The following LCE5A variants were observed in gnomAD, a reference collection of about 807,000 sequenced individuals.
The protein encoded by LCE5A is late cornified envelope 5A.
For synonymous variants in LCE5A, 51 were observed against 54.2 expected, an observed-to-expected ratio of 0.94 and a Z score of 0.26; for missense variants, 139 against 147.2, an observed-to-expected ratio of 0.94 and a Z score of 0.29.
chr1:152,511,802 A>C lies in LCE5A; in HGVS notation c.268A>C (p.Ser90Arg). 6.2e-7 allele frequency: 1 copy of C among 1,613,712 alleles called. No homozygotes were observed. The highest frequency in any genetic ancestry group is 8.5e-7 in the Non-Finnish European group (1 of 1,179,762). The change falls in exon 2 of 2, where the codon AGT (serine) becomes CGT (arginine). Residue 90 changes from serine to arginine, a missense_variant. Physicochemically the swap from Ser to Arg is moderately radical, Grantham distance 110 (BLOSUM62 -1). Coordinates refer to ENST00000334269, the MANE Select transcript of LCE5A (RefSeq NM_178438.5). ...ACCTCAGAGTTCCAGCTGCTGTGGCAGTGGCAGTGGCCAGCAGTCTGGGGG... is the reference window on the plus strand; with the variant it reads ...ACCTCAGAGTTCCAGCTGCTGTGGCCGTGGCAGTGGCCAGCAGTCTGGGGG... ...RRPQSSSCCG[S>R]GSGQQSGGSS...
chr1:152,512,099 A>G lies in LCE5A; in HGVS notation c.*208A>G. ...TCTGGCCTGGCTTTCCCTCTCAGAC[A>G]TAGCTCTTTGGAGAACTAGGTGTTG... On this transcript the variant is annotated 3_prime_UTR_variant, in exon 2 of 2. Transcript: ENST00000334269. The G allele has an allele frequency of 3.4e-6, 2 of 581,712 alleles. No individual in the cohort carries two copies. Among genetic ancestry groups the G allele is most frequent in the Non-Finnish European group, 6.2e-6 (2 of 323,456 alleles). The allele number at this position is 581,712 out of a possible 1,614,324, so 36.0% of individuals were successfully genotyped here.
In LCE5A at chr1:152,511,866, G is replaced by A. The variant is rs1260204019; in HGVS notation, c.332G>A (p.Cys111Tyr). 3.7e-6 allele frequency: 6 copies of A among 1,613,074 alleles called. No homozygotes were observed. The highest frequency in any genetic ancestry group is 4.2e-6 in the Non-Finnish European group (5 of 1,179,618). ...CCHSSGGSGCCHSSGGCC is the reference protein window; with the variant it reads ...CCHSSGGSGCYHSSGGCC ...CACAGCTCTGGGGGCTCTGGCTGCT[G>A]CCACAGCTCTGGAGGCTGCTGCTGA... is the stretch of plus-strand genomic sequence containing the variant. The change falls in exon 2 of 2, where the codon TGC becomes TAC. Residue 111 changes from cysteine (C) to tyrosine (Y), a missense_variant. Physicochemically the swap from Cys to Tyr is radical, Grantham distance 194. Coordinates refer to ENST00000334269, the MANE Select transcript of LCE5A (RefSeq NM_178438.5).
At position 152,511,946 on chromosome 1, in the gene LCE5A, A is replaced by G; in HGVS notation, c.*55A>G. On this transcript the variant is annotated 3_prime_UTR_variant, in exon 2 of 2. Transcript: ENST00000334269. ...GACTGGCAGATCCCAGGTGCTGAAGATGTGTGTCAGCCTGAGGCTTCTTTT... is the reference window on the plus strand; with the variant it reads ...GACTGGCAGATCCCAGGTGCTGAAGGTGTGTGTCAGCCTGAGGCTTCTTTT... The G allele has an allele frequency of 2.7e-6, 4 of 1,493,392 alleles. No homozygotes were observed. The highest frequency in any genetic ancestry group is 3.6e-6 in the Non-Finnish European group (4 of 1,103,504). The allele number at this position is 1,493,392 out of a possible 1,614,324, so 92.5% of individuals were successfully genotyped here. A position where few individuals can be genotyped will look rare whatever the true frequency, so the allele number is the denominator to read the frequency against.
intron 1 of LCE5A, among the ~76,000 whole-genome samples, chr1:152,511,254 C>A (rs1033468499): frequency 2.0e-5 from 3 of 151,958 alleles, no homozygotes; most frequent in African/African-American, 7.3e-5. Context: ...CCCGTCTCTA[C>A]TAAAAACACA....
rs553762836 is a variant in LCE5A, at chr1:152,512,056, G to A, written c.*165G>A. 1.7e-4 allele frequency: 112 copies of A among 652,632 alleles called. No individual in the cohort carries two copies. The highest frequency in any genetic ancestry group is 2.6e-4 in the Non-Finnish European group (97 of 379,286). The allele number at this position is 652,632 out of a possible 1,614,324, so 40.4% of individuals were successfully genotyped here. A position where few individuals can be genotyped will look rare whatever the true frequency, so the allele number is the denominator to read the frequency against. On this transcript the variant is annotated 3_prime_UTR_variant, in exon 2 of 2. Coordinates refer to ENST00000334269, the MANE Select transcript of LCE5A (RefSeq NM_178438.5). ...ATGTTCACTCCATTGTAGGGTTGAA[G>A]TCTAGCTTGTGATATTTTCTGGCCT...
rs938293183 is a variant in LCE5A, at chr1:152,510,913, G to A, written c.-107G>A. ...TGTTTTGGGCAGAAAGAGCCCCTGG[G>A]TGGAGGTTGAGGCCATTCTTGAAGA... On this transcript the variant is annotated 5_prime_UTR_variant, in exon 1 of 2. The change creates a new upstream start codon in the 5' untranslated region. Coordinates refer to ENST00000334269, the MANE Select transcript of LCE5A (RefSeq NM_178438.5). 1 of 152,650 alleles carries A rather than the reference G, an allele frequency of 6.6e-6. No homozygotes were observed. Among genetic ancestry groups the A allele is most frequent in the Non-Finnish European group, 1.5e-5 (1 of 68,416 alleles). The allele number at this position is 152,650 out of a possible 1,614,324, so 9.5% of individuals were successfully genotyped here.
chr1:152,511,821 C>T lies in LCE5A; in HGVS notation c.287C>T (p.Ser96Phe). Residue 96 changes from serine (S) to phenylalanine (F), a missense_variant, in exon 2 of 2, where the codon TCT becomes TTT. Transcript: ENST00000334269. ...SCCGSGSGQQ[S>F]GGSSCCHSSG... is the part of the protein sequence containing the mutation. ...TGTGGCAGTGGCAGTGGCCAGCAGT[C>T]TGGGGGCTCCAGCTGCTGCCACAGC... 6.2e-7 allele frequency: 1 copy of T among 1,613,774 alleles called. No individual in the cohort carries two copies. The highest frequency in any genetic ancestry group is 2.2e-5 in the East Asian group (1 of 44,876).
At chr1:152,511,390 T>A in intron 1 of LCE5A, 124 bp from the exon 2 acceptor site, 1 of 703,536 alleles carries the variant, frequency 1.4e-6, no homozygotes, top group Non-Finnish European at 2.4e-6. Flanking sequence ...AGAGTGAGAC[T>A]CCATCCCAAA....
rs374989000 is a variant in LCE5A, at chr1:152,511,323, G to A, written c.-21-191G>A. Among the ~76,000 whole-genome samples the A allele has an allele frequency of 2.4e-4, 36 of 152,138 alleles. 1 individual carries two copies. The South Asian group carries it at 5.4e-3, about 23-fold the overall frequency. ...TGAGGCAGGAGAATCACTTGAATCC[G>A]GGAGGTGGAGGTTGCAGTGAGCCGA... is the stretch of plus-strand genomic sequence containing the variant. On this transcript the variant is annotated intron_variant, in intron 1 of 1. Transcript: ENST00000334269.
Position 152,511,920 on chromosome 1 carries a change from G to A in LCE5A, c.*29G>A, listed in dbSNP as rs1658596500. 2 of 1,568,950 alleles carry A rather than the reference G, an allele frequency of 1.3e-6. No homozygotes were observed. The highest frequency in any genetic ancestry group is 1.4e-5 in the African/African-American group (1 of 73,474). Reference sequence around the variant, plus strand: ...GGGCCATGAGGAGCACGGAGGAGAAGGACTGGCAGATCCCAGGTGCTGAAG... The same window carrying A: ...GGGCCATGAGGAGCACGGAGGAGAAAGACTGGCAGATCCCAGGTGCTGAAG... On this transcript the variant is annotated 3_prime_UTR_variant, in exon 2 of 2. Coordinates refer to ENST00000334269, the MANE Select transcript of LCE5A (RefSeq NM_178438.5).
In LCE5A at chr1:152,510,842, A is replaced by C. The variant is rs1399036110; in HGVS notation, c.-178A>C. 1 of 152,370 alleles carries C rather than the reference A, an allele frequency of 6.6e-6. No homozygotes were observed. The highest frequency in any genetic ancestry group is 2.4e-5 in the African/African-American group (1 of 41,422). 9.4% of individuals were successfully genotyped at this position (152,370 alleles called of 1,614,324 possible). A position where few individuals can be genotyped will look rare whatever the true frequency, so the allele number is the denominator to read the frequency against. Reference sequence around the variant, plus strand: ...CTGAGTGATCTGCTGCAGTGCCTGAACCAGGTAGAGTGCTTCTCAGGACCA... The same window carrying C: ...CTGAGTGATCTGCTGCAGTGCCTGACCCAGGTAGAGTGCTTCTCAGGACCA... On this transcript the variant is annotated 5_prime_UTR_variant, in exon 1 of 2. Coordinates refer to ENST00000334269, the MANE Select transcript of LCE5A (RefSeq NM_178438.5).
In LCE5A at chr1:152,511,709, T is replaced by C. The variant is rs1658582636; in HGVS notation, c.175T>C (p.Cys59Arg). Residue 59 changes from cysteine (C) to arginine (R), a missense_variant, in exon 2 of 2, where the codon TGC (cysteine) becomes CGC (arginine). Physicochemically the swap from Cys to Arg is radical, Grantham distance 180. Transcript: ENST00000334269. ...SSCCGSSSGG[C>R]CSSEGGGCCL... ...CTGCTGTGGTTCCAGCTCTGGGGGC[T>C]GCTGCAGCTCTGAGGGTGGTGGCTG... 1 of 1,614,160 alleles carries C rather than the reference T, an allele frequency of 6.2e-7. No homozygotes were observed.
In LCE5A at chr1:152,511,794, G is replaced by T. The variant is rs1398229424; in HGVS notation, c.260G>T (p.Cys87Phe). 17 of 1,613,904 alleles carry T rather than the reference G, an allele frequency of 1.1e-5. No homozygotes were observed. The highest frequency in any genetic ancestry group is 1.4e-5 in the Non-Finnish European group (16 of 1,179,858). The change falls in exon 2 of 2, where the codon TGC (cysteine) becomes TTC (phenylalanine). Residue 87 changes from cysteine to phenylalanine, a missense_variant. Physicochemically the swap from Cys to Phe is radical, Grantham distance 205. Coordinates refer to ENST00000334269, the MANE Select transcript of LCE5A (RefSeq NM_178438.5). ...CGACGCCGACCTCAGAGTTCCAGCT[G>T]CTGTGGCAGTGGCAGTGGCCAGCAG... Reference protein sequence around the residue: ...SLRRRPQSSSCCGSGSGQQSG... With the variant: ...SLRRRPQSSSFCGSGSGQQSG...
In LCE5A at chr1:152,511,684, C is replaced by T. The variant is rs1195305376; in HGVS notation, c.150C>T (p.Ser50=). The change falls in exon 2 of 2, where the codon TCC becomes TCT. Residue 50 remains serine (S), a synonymous_variant. Coordinates refer to ENST00000334269, the MANE Select transcript of LCE5A (RefSeq NM_178438.5). ...CSAPCPPPVS[S]CCGSSSGGCC... ...CCCCATGCCCACCTCCAGTCTCTTC[C>T]TGCTGTGGTTCCAGCTCTGGGGGCT... The T allele has an allele frequency of 1.2e-6, 2 of 1,614,080 alleles. No individual in the cohort carries two copies. Among genetic ancestry groups the T allele is most frequent in the East Asian group, 2.2e-5 (1 of 44,878 alleles).
Position 152,510,820 on chromosome 1 carries a change from A to C in LCE5A, c.-200A>C, listed in dbSNP as rs1416696032. ...AGCACCTCAGTCTACCTGTCTCCTG[A>C]GTGATCTGCTGCAGTGCCTGAACCA... On this transcript the variant is annotated 5_prime_UTR_variant, in exon 1 of 2. Transcript: ENST00000334269. The C allele has an allele frequency of 6.6e-6, 1 of 152,340 alleles. No homozygotes were observed. Among genetic ancestry groups the C allele is most frequent in the Non-Finnish European group, 1.5e-5 (1 of 68,176 alleles). The allele number at this position is 152,340 out of a possible 1,614,324, so 9.4% of individuals were successfully genotyped here.
rs1395167012 is a variant in LCE5A, at chr1:152,511,668, C to T, written c.134C>T (p.Pro45Leu). 2.5e-6 allele frequency: 4 copies of T among 1,614,086 alleles called. No individual in the cohort carries two copies. The highest frequency in any genetic ancestry group is 3.4e-6 in the Non-Finnish European group (4 of 1,180,056). Residue 45 changes from proline to leucine, a missense_variant, in exon 2 of 2, where the codon CCA (proline) becomes CTA (leucine). Transcript: ENST00000334269. ...KCPPQCSAPC[P>L]PPVSSCCGSS... ...CCTCCCCAGTGTTCAGCCCCATGCC[C>T]ACCTCCAGTCTCTTCCTGCTGTGGT... is the stretch of plus-strand genomic sequence containing the variant.
In LCE5A at chr1:152,512,076, T is replaced by C; in HGVS notation, c.*185T>C. The C allele has an allele frequency of 1.6e-6, 1 of 616,296 alleles. No individual in the cohort carries two copies. The highest frequency in any genetic ancestry group is 2.9e-6 in the Non-Finnish European group (1 of 349,326). The allele number at this position is 616,296 out of a possible 1,614,324, so 38.2% of individuals were successfully genotyped here. ...TTGAAGTCTAGCTTGTGATATTTTC[T>C]GGCCTGGCTTTCCCTCTCAGACATA... On this transcript the variant is annotated 3_prime_UTR_variant, in exon 2 of 2. Coordinates refer to ENST00000334269, the MANE Select transcript of LCE5A (RefSeq NM_178438.5).
intron 1 of LCE5A, 95 bp from the exon 2 acceptor site, chr1:152,511,419 T>G: frequency 1.3e-6 from 1 of 796,738 alleles, no homozygotes; most frequent in Non-Finnish European, 2.1e-6. Flanking sequence ...ATAATCATAA[T>G]AATAAATTCT....
Position 152,512,005 on chromosome 1 carries a change from C to A in LCE5A, c.*114C>A, listed in dbSNP as rs2101747354. The stretch of plus-strand genomic sequence containing the variant: ...TCCCATGGAAGGACTTCGGAAATGC[C>A]TTAAGTTCCCCTCTTTATCCTGCCC... On this transcript the variant is annotated 3_prime_UTR_variant, in exon 2 of 2. Transcript: ENST00000334269. The A allele has an allele frequency of 1.1e-6, 1 of 925,360 alleles. No individual in the cohort carries two copies. 57.3% of individuals were successfully genotyped at this position (925,360 alleles called of 1,614,324 possible). A position where few individuals can be genotyped will look rare whatever the true frequency, so the allele number is the denominator to read the frequency against.
Sources: allele counts gnomAD v4.1 joint callset (sites outside exome capture counted in the v4.1 genomes callset), GRCh38; gene constraint gnomAD v4.1.1; transcripts MANE v1.5; gene names NCBI Gene and HGNC (gene_info 2026-07-23, HGNC 2026-07-21).